Variants in PLA2G4F observed in about 807,000 individuals in gnomAD.
The protein encoded by PLA2G4F is phospholipase A2 group IVF, also known as cytosolic phospholipase A2 zeta.
PLA2G4F carries 105 observed loss-of-function variants against 103.1 expected under a neutral mutation model. The observed-to-expected ratio is 1.02, with a 90% CI of 0.87 to 1.20. The LOEUF is 1.20. Ranked by LOEUF, PLA2G4F falls within the 50% of genes most tolerant of loss-of-function variation. The pLI is 0.00. For synonymous variants in PLA2G4F, 468 were observed against 441.1 expected, an observed-to-expected ratio of 1.06 and a Z score of -0.76; for missense variants, 1,155 against 1,075.9, an observed-to-expected ratio of 1.07 and a Z score of -1.03.
At chr15:42,147,025 T>G in intron 13 of PLA2G4F, 99 bp downstream of exon 13, 6 of 1,200,618 alleles carry the variant, frequency 5.0e-6, no homozygotes, top group Non-Finnish European at 7.0e-6. Context: ...AGGAACAGCT[T>G]TGTAAATCAG....
In PLA2G4F at chr15:42,145,869, G is replaced by A. The variant is rs1161191064; in HGVS notation, c.1569C>T (p.Phe523=). Residue 523 remains phenylalanine (F), a synonymous_variant, in exon 15 of 20, where the codon TTC becomes TTT. Transcript: ENST00000397272. ...WCEFTPYEVG[F]PKYGAYVPTE... ...TGGGAACATAAGCCCCGTACTTGGG[G>A]AAGCCAACCTCATAGGGCGTGAACT... The A allele has an allele frequency of 1.2e-6, 2 of 1,614,062 alleles. No homozygotes were observed. The highest frequency in any genetic ancestry group is 2.7e-5 in the African/African-American group (2 of 75,048).
At chr15:42,144,356 T>C in intron 17 of PLA2G4F, 94 bp downstream of exon 17, 1 of 1,524,444 alleles carries the variant, frequency 6.6e-7, no homozygotes, top group Non-Finnish European at 9.0e-7. Flanking sequence ...AGACCACACC[T>C]CAACCCCCAG....
At position 42,156,622 on chromosome 15, in the gene PLA2G4F, G is replaced by A; in HGVS notation, c.-73C>T. On this transcript the variant is annotated 5_prime_UTR_variant, in exon 1 of 20. Transcript: ENST00000397272. Reference sequence around the variant, plus strand: ...GGTTGCACAAACTGCTGGCTCAGGTGTGACAGGCAGCACTGAGTTGGGAGG... The same window carrying A: ...GGTTGCACAAACTGCTGGCTCAGGTATGACAGGCAGCACTGAGTTGGGAGG... The A allele has an allele frequency of 9.2e-7, 1 of 1,081,774 alleles. No individual in the cohort carries two copies. The highest frequency in any genetic ancestry group is 1.3e-6 in the Non-Finnish European group (1 of 756,392). The allele number at this position is 1,081,774 out of a possible 1,614,324, so 67.0% of individuals were successfully genotyped here.
chr15:42,143,347 A>G (rs927253762), intron 18 of PLA2G4F, among the ~76,000 whole-genome samples: 19 of 152,092 alleles, frequency 1.2e-4, no homozygotes, highest in East Asian at 5.8e-4. Flanking sequence ...TCTGCTCCCT[A>G]TTAGAAGCTG....
chr15:42,156,032 T>C (rs2049011278), intron 1 of PLA2G4F, among the ~76,000 whole-genome samples: 1 of 151,966 alleles, frequency 6.6e-6, no homozygotes, highest in Admixed American at 6.6e-5. Context: ...AGCGAGCAGG[T>C]GAGCGGAAGC....
At chr15:42,155,852 C>G (rs2049009894) in intron 1 of PLA2G4F, among the ~76,000 whole-genome samples, 1 of 152,174 alleles carries the variant, frequency 6.6e-6, no homozygotes, top group Non-Finnish European at 1.5e-5. Flanking sequence ...CTGTCACGCA[C>G]CACACACCTG....
At chr15:42,151,498 C>T (rs993875768) in intron 7 of PLA2G4F, 1 of 985,114 alleles carries the variant, frequency 1.0e-6, no homozygotes, top group South Asian at 4.7e-5. Context: ...CCGCAGACAG[C>T]CTCCCAGGAG....
intron 2 of PLA2G4F, 114 bp from the exon 3 acceptor site, chr15:42,154,572 C>T (rs1458412513): frequency 1.7e-5 from 21 of 1,255,852 alleles, no homozygotes; most frequent in Admixed American, 3.1e-5. Flanking sequence ...AAGCCGCCCA[C>T]GTGGCATGGT....
chr15:42,155,250 C>T (rs1178670402), intron 2 of PLA2G4F, among the ~76,000 whole-genome samples: 3 of 152,186 alleles, frequency 2.0e-5, no homozygotes, highest in South Asian at 2.1e-4. Flanking sequence ...TATACACACT[C>T]GTGTTCCCAC....
chr15:42,142,195 C>A lies in PLA2G4F; in HGVS notation c.2339G>T (p.Arg780Leu). The change falls in exon 20 of 20, where the codon CGA (arginine) becomes CTA (leucine). Residue 780 changes from arginine to leucine, a missense_variant. Physicochemically the swap from Arg to Leu is moderately radical, Grantham distance 102. Around this residue, in one of 3 missense-constraint regions of PLA2G4F, gnomAD observed 782 missense variants for 692.9 expected, o/e 1.13. Coordinates refer to ENST00000397272, the MANE Select transcript of PLA2G4F (RefSeq NM_213600.4). ...AAAGGCCTTCTCCTCAGCTGTTTGT[C>A]GCTCCACACCTGTGGGTGGGGGAAG... ...FRTHLAPGVE[R>L]QTAEEKAFGD... is the part of the protein sequence containing the mutation. 6.2e-7 allele frequency: 1 copy of A among 1,611,002 alleles called. No individual in the cohort carries two copies. The highest frequency in any genetic ancestry group is 1.3e-5 in the African/African-American group (1 of 75,024).
Position 42,150,491 on chromosome 15 carries a change from GGAAAA to G in PLA2G4F, c.772-10_772-6del. 6.2e-7 allele frequency: 1 copy of G among 1,610,244 alleles called. No homozygotes were observed. The highest frequency in any genetic ancestry group is 1.1e-5 in the South Asian group (1 of 90,118). The stretch of plus-strand genomic sequence containing the variant: ...CAACTCTGCGCTGGGGCCACTCTGT[GGAAAA>G]GAAAACACCCAAGAAGCTCTCCAGC... On this transcript the variant is annotated splice_region_variant and splice_polypyrimidine_tract_variant and intron_variant, in intron 8 of 19. Coordinates refer to ENST00000397272, the MANE Select transcript of PLA2G4F (RefSeq NM_213600.4).
chr15:42,149,748 C>G lies in PLA2G4F; in HGVS notation c.1024G>C (p.Val342Leu). Residue 342 changes from valine (V) to leucine (L), a missense_variant, in exon 11 of 20, where the codon GTG becomes CTG. Around this residue, in one of 3 missense-constraint regions of PLA2G4F, gnomAD observed 782 missense variants for 692.9 expected, o/e 1.13. Transcript: ENST00000397272. ...KQVVSKALQQ[V>L]LGLSEALDSG... is the part of the protein sequence containing the mutation. ...TCCAGAGCCTCACTCAATCCCAGCACTTGCTGCAGGGCCTTGGACACGACC... is the reference window on the plus strand; with the variant it reads ...TCCAGAGCCTCACTCAATCCCAGCAGTTGCTGCAGGGCCTTGGACACGACC... The G allele has an allele frequency of 2.5e-6, 4 of 1,614,244 alleles. No individual in the cohort carries two copies. In the South Asian group the frequency reaches 4.4e-5, roughly 18 times the overall value.
intron 2 of PLA2G4F, among the ~76,000 whole-genome samples, chr15:42,155,101 ATACACACT>A (rs1445099041): frequency 4.2e-5 from 5 of 118,864 alleles, no homozygotes; most frequent in Admixed American, 2.0e-4. Flanking sequence ...GTATACACAC[ATACACACT>A]CACGTTCACA....
chr15:42,144,310 T>A (rs1262930850), intron 17 of PLA2G4F, 140 bp downstream of exon 17: 1 of 1,388,910 alleles, frequency 7.2e-7, no homozygotes, highest in African/African-American at 1.4e-5. Context: ...TCCAGCAGTA[T>A]TTAGAGTCGC....
rs1350944007 is a variant in PLA2G4F at position 42,139,452 on chromosome 15, T to TC, written c.*2531dup. ...GTGGCCCCCTTTTTCTTCCCTTGCC[T>TC]CATGAGGAGCTCTGACAAGTTGATG... On this transcript the variant is annotated 3_prime_UTR_variant, in exon 20 of 20. Transcript: ENST00000397272. 6.6e-6 allele frequency: 1 copy of TC among 152,154 alleles called. No individual in the cohort carries two copies. The highest frequency in any genetic ancestry group is 2.4e-5 in the African/African-American group (1 of 41,372). The allele number at this position is 152,154 out of a possible 1,614,324, so 9.4% of individuals were successfully genotyped here. A position where few individuals can be genotyped will look rare whatever the true frequency, so the allele number is the denominator to read the frequency against.
At position 42,146,905 on chromosome 15, in the gene PLA2G4F, T is replaced by A. The variant is rs536556892; in HGVS notation, c.1419+219A>T. 50 of 562,744 alleles carry A rather than the reference T, an allele frequency of 8.9e-5. No individual in the cohort carries two copies. In the South Asian group the frequency reaches 1.0e-3, roughly 12 times the overall value. The allele number at this position is 562,744 out of a possible 1,614,324, so 34.9% of individuals were successfully genotyped here. A position where few individuals can be genotyped will look rare whatever the true frequency, so the allele number is the denominator to read the frequency against. On this transcript the variant is annotated intron_variant, in intron 13 of 19. Coordinates refer to ENST00000397272, the MANE Select transcript of PLA2G4F (RefSeq NM_213600.4). Reference sequence around the variant, plus strand: ...GGTGATTCTAATATGCACCCAGAGCTGAGCGCTGCGGACCAGGCTCCTCCT... The same window carrying A: ...GGTGATTCTAATATGCACCCAGAGCAGAGCGCTGCGGACCAGGCTCCTCCT...
At position 42,154,368 on chromosome 15, in the gene PLA2G4F, G is replaced by A; in HGVS notation, c.275C>T (p.Pro92Leu). The A allele has an allele frequency of 6.2e-7, 1 of 1,612,214 alleles. No homozygotes were observed. The change falls in exon 3 of 20, where the codon CCC (proline) becomes CTC (leucine). Residue 92 changes from proline (P) to leucine (L), a missense_variant. Physicochemically the swap from Pro to Leu is moderately conservative, Grantham distance 98 (BLOSUM62 -3). Transcript: ENST00000397272. The stretch of plus-strand genomic sequence containing the variant: ...GTAGTGGAAGGTCTCATTCCACTCG[G>A]GGTCACTGCAGTTGGCCACTATCCT... ...QTRIVANCSD[P>L]EWNETFHYQI...
Position 42,146,108 on chromosome 15 carries a change from C to T in PLA2G4F, c.1534+19G>A, listed in dbSNP as rs746275320. On this transcript the variant is annotated intron_variant, in intron 14 of 19. Coordinates refer to ENST00000397272, the MANE Select transcript of PLA2G4F (RefSeq NM_213600.4). The stretch of plus-strand genomic sequence containing the variant: ...CCCCACCTCCTCTACCTCCTTCCTT[C>T]GTCTCCACACCCAGGCACCTGCAAA... 12 of 1,611,126 alleles carry T rather than the reference C, an allele frequency of 7.4e-6. No individual in the cohort carries two copies. Among genetic ancestry groups the T allele is most frequent in the Admixed American group, 3.3e-5 (2 of 59,994 alleles).
Position 42,149,545 on chromosome 15 carries a change from C to T in PLA2G4F, c.1059+168G>A, listed in dbSNP as rs563363438. The T allele has an allele frequency of 9.7e-5, 96 of 985,388 alleles. No homozygotes were observed. The East Asian group carries it at 9.1e-3, about 93-fold the overall frequency. 61.0% of individuals were successfully genotyped at this position (985,388 alleles called of 1,614,324 possible). ...ATAGACATCCAGCTTTGGCCAGGGC[C>T]GTTTGGCCCTGGTCCCATATGGGGT... On this transcript the variant is annotated intron_variant, in intron 11 of 19. Coordinates refer to ENST00000397272, the MANE Select transcript of PLA2G4F (RefSeq NM_213600.4).
Sources: allele counts gnomAD v4.1 joint callset (sites outside exome capture counted in the v4.1 genomes callset), GRCh38; gene constraint gnomAD v4.1.1; regional missense constraint gnomAD v4.1.1; transcripts MANE v1.5; gene names NCBI Gene and HGNC (gene_info 2026-07-23, HGNC 2026-07-21).